CASK: variants seen among roughly 807,000 people sequenced by gnomAD.
CASK encodes peripheral plasma membrane protein CASK.
A neutral mutation model predicts 82.9 loss-of-function variants in CASK; 4 were observed. That is an observed-to-expected ratio of 0.05 (90% confidence interval 0.02 to 0.11). The LOEUF (loss-of-function observed/expected upper bound fraction) is 0.11. CASK is among the 10% of genes least tolerant of loss of function. The pLI is 1.00. For missense variants in CASK, 358 were observed against 720.9 expected, an observed-to-expected ratio of 0.50 and a Z score of 5.76; for synonymous variants, 259 against 253.5, an observed-to-expected ratio of 1.02 and a Z score of -0.20.
intron 5 of CASK, among the ~76,000 whole-genome samples, chrX:41,719,312 G>T (rs2068119539): frequency 8.9e-6 from 1 of 112,189 alleles, no homozygotes; most frequent in Admixed American, 9.4e-5. Flanking sequence ...AGCAGCAGCT[G>T]TGCTGCAATC....
chrX:41,565,285 T>G (rs1200960853), intron 16 of CASK, among the ~76,000 whole-genome samples: 4 of 111,106 alleles, frequency 3.6e-5, no homozygotes, highest in African/African-American at 9.8e-5. Context: ...AAAATATCAA[T>G]GAATCCAGGA....
At chrX:41,911,386 C>T (rs2072562857) in intron 1 of CASK, among the ~76,000 whole-genome samples, 1 of 111,937 alleles carries the variant, frequency 8.9e-6, no homozygotes, top group African/African-American at 3.2e-5. Context: ...CTAAACAGAC[C>T]AACCACTCAA....
chrX:41,544,800 C>T (rs184974103), intron 21 of CASK, among the ~76,000 whole-genome samples: 1 of 110,433 alleles, frequency 9.1e-6, no homozygotes, highest in South Asian at 3.8e-4. Context: ...ACTAGGAAGG[C>T]TGAAGCAGGA....
At chrX:41,643,317 T>C (rs2066694915) in intron 8 of CASK, among the ~76,000 whole-genome samples, 1 of 111,779 alleles carries the variant, frequency 8.9e-6, no homozygotes, top group Admixed American at 9.5e-5. Context: ...AAGAAAGTCA[T>C]TGGTAGCTTG....
intron 5 of CASK, among the ~76,000 whole-genome samples, chrX:41,686,539 A>G (rs2067443912): frequency 9.0e-6 from 1 of 111,228 alleles, no homozygotes; most frequent in African/African-American, 3.3e-5. Flanking sequence ...TGCCCAGCTA[A>G]GAACATACAT....
intron 4 of CASK, among the ~76,000 whole-genome samples, chrX:41,742,764 T>C (rs1463058059): frequency 8.9e-6 from 1 of 111,888 alleles, no homozygotes; most frequent in East Asian, 2.8e-4. Flanking sequence ...CTACGCGCCC[T>C]TGTTGCATGG....
At chrX:41,717,152 C>T (rs1182246833) in intron 5 of CASK, among the ~76,000 whole-genome samples, 1 of 111,686 alleles carries the variant, frequency 9.0e-6, no homozygotes, top group Non-Finnish European at 1.9e-5. Flanking sequence ...GGTCCAGCTC[C>T]ATCCAATGGA....
chrX:41,613,494 C>G (rs1446257837), intron 11 of CASK, among the ~76,000 whole-genome samples: 2 of 94,320 alleles, frequency 2.1e-5, no homozygotes, highest in Non-Finnish European at 4.2e-5. Context: ...ACAAACACTG[C>G]GGAAGGCCGC....
At position 41,743,800 on chromosome X, in the gene CASK, TA is replaced by T. The variant is rs1416615192; in HGVS notation, c.356+1723del. On this transcript the variant is annotated intron_variant, in intron 4 of 26. Transcript: ENST00000378163. ...TTTAATATAACTGTTTTTCAAATGA[TA>T]AAAAGTTTTCATAAATCCTAGGCTA... 3 of 290,625 alleles carry T rather than the reference TA, an allele frequency of 1.0e-5. No homozygotes were observed. In the East Asian group the frequency reaches 1.4e-4, roughly 14 times the overall value. The allele number at this position is 290,625 out of a possible 1,213,427, so 24.0% of individuals were successfully genotyped here.
At chrX:41,739,556 G>T in intron 4 of CASK, 100 bp from the exon 5 acceptor site, 1 of 544,772 alleles carries the variant, frequency 1.8e-6, no homozygotes, top group Non-Finnish European at 3.2e-6. Context: ...CATATTAGCT[G>T]TCCATGGACA....
intron 16 of CASK, among the ~76,000 whole-genome samples, chrX:41,568,595 A>C (rs1284911112): frequency 8.9e-6 from 1 of 112,067 alleles, no homozygotes; most frequent in Non-Finnish European, 1.9e-5. Context: ...TTTTTGGAAC[A>C]TCCTCTAAAT....
intron 5 of CASK, among the ~76,000 whole-genome samples, chrX:41,735,564 T>C (rs966057484): frequency 3.0e-4 from 33 of 109,576 alleles, no homozygotes; most frequent in African/African-American, 1.1e-3. Flanking sequence ...GGAATCTAAC[T>C]AATTTTTTTT....
At chrX:41,646,479 C>A (rs999201281) in intron 8 of CASK, among the ~76,000 whole-genome samples, 44 of 111,201 alleles carry the variant, frequency 4.0e-4, no homozygotes, top group Non-Finnish European at 1.7e-4. Flanking sequence ...CTCATTCTTT[C>A]TCTTAAAATA....
intron 5 of CASK, among the ~76,000 whole-genome samples, chrX:41,701,448 C>T (rs1406148645): frequency 8.9e-6 from 1 of 112,499 alleles, no homozygotes; most frequent in Non-Finnish European, 1.9e-5. Flanking sequence ...AACAAACAAA[C>T]TTCACTTGTA....
intron 3 of CASK, among the ~76,000 whole-genome samples, chrX:41,785,603 T>C (rs1286182428): frequency 8.9e-6 from 1 of 112,713 alleles, no homozygotes; most frequent in African/African-American, 3.2e-5. Context: ...ATCTTGCACT[T>C]ACTCATATTT....
intron 1 of CASK, among the ~76,000 whole-genome samples, chrX:41,868,476 T>C (rs187993815): frequency 4.5e-5 from 5 of 112,098 alleles, no homozygotes; most frequent in African/African-American, 9.7e-5. Context: ...CCAGGCAACC[T>C]GGACGTACAG....
chrX:41,528,211 A>T (rs1423093655), intron 25 of CASK, among the ~76,000 whole-genome samples: 1 of 112,734 alleles, frequency 8.9e-6, no homozygotes, highest in Non-Finnish European at 1.9e-5. Flanking sequence ...TCCAGCTCAT[A>T]GGGTTACAAG....
chrX:41,691,733 T>C (rs746134856), intron 5 of CASK, among the ~76,000 whole-genome samples: 28 of 101,283 alleles, frequency 2.8e-4, no homozygotes, highest in Non-Finnish European at 4.3e-4. Flanking sequence ...CCCAGCTACT[T>C]GGGAGGCTGA....
intron 5 of CASK, chrX:41,698,113 C>T (rs1040683547): frequency 1.8e-5 from 2 of 111,630 alleles, no homozygotes; most frequent in Non-Finnish European, 3.8e-5. Context: ...AAAACAATAC[C>T]ACATTCTTAT....
Sources: gnomAD v4.1 joint callset for allele counts (sites outside exome capture counted in the v4.1 genomes callset) on GRCh38, gnomAD v4.1.1 for gene constraint, MANE v1.5 for transcripts, NCBI Gene and HGNC (gene_info 2026-07-23, HGNC 2026-07-21) for gene names.